Variants in CCDC144A observed in about 807,000 individuals in gnomAD.
The protein encoded by CCDC144A is coiled-coil domain containing 144A, also known as coiled-coil domain-containing protein 144A.
A neutral mutation model predicts 143.8 loss-of-function variants in CCDC144A; 41 were observed. The observed-to-expected ratio is 0.29, with a 90% CI of 0.22 to 0.37. The LOEUF (loss-of-function observed/expected upper bound fraction) is 0.37. Ranked by LOEUF, CCDC144A falls within the 10% of genes least tolerant of loss-of-function variation. The pLI, the probability that CCDC144A is intolerant of heterozygous loss-of-function variation, is 1.00. For synonymous variants in CCDC144A, 242 were observed against 517.9 expected (o/e 0.47, Z 7.23); for missense variants, 637 against 1,488.8 (o/e 0.43, Z 9.41).
chr17:16,689,060 A>T (rs2142736482), upstream of CCDC144A, among the ~76,000 whole-genome samples: 1 of 152,184 alleles, frequency 6.6e-6, no homozygotes, highest in East Asian at 1.9e-4. Context: ...TGTTTTTCAT[A>T]ATGCTATCTG....
At chr17:16,745,206 TCA>T (rs1914439491) in intron 12 of CCDC144A, among the ~76,000 whole-genome samples, 1 of 148,554 alleles carries the variant, frequency 6.7e-6, no homozygotes, top group South Asian at 2.2e-4. Context: ...ACACCATGGC[TCA>T]GAGGCCACCG....
intron 6 of CCDC144A, 72 bp from the exon 7 acceptor site, chr17:16,720,126 C>T (rs1187368825): frequency 2.8e-6 from 4 of 1,452,850 alleles, no homozygotes; most frequent in Non-Finnish European, 2.7e-6. Context: ...TATGATAAAA[C>T]AGTAGTGTTA....
chr17:16,731,502 T>A (rs972782420), intron 9 of CCDC144A: 8 of 171,844 alleles, frequency 4.7e-5, no homozygotes, highest in African/African-American at 1.9e-4. Flanking sequence ...AGAAGTAATT[T>A]TCAACTTGTA....
chr17:16,757,704 G>A (rs1915161899), intron 12 of CCDC144A, among the ~76,000 whole-genome samples: 1 of 152,240 alleles, frequency 6.6e-6, no homozygotes, highest in Non-Finnish European at 1.5e-5. Context: ...GGTATGTACA[G>A]GTATGCACAG....
At chr17:16,771,376 A>T (rs1278532617) in intron 15 of CCDC144A, among the ~76,000 whole-genome samples, 3 of 152,268 alleles carry the variant, frequency 2.0e-5, no homozygotes, top group Non-Finnish European at 4.4e-5. Context: ...AATTTTCTGA[A>T]ATCTTTGTGT....
chr17:16,707,607 T>C, intron 4 of CCDC144A, 65 bp downstream of exon 4: 2 of 1,035,216 alleles, frequency 1.9e-6, no homozygotes, highest in South Asian at 3.1e-5. Context: ...GCTTTAATAA[T>C]ATAAGCTAGC....
chr17:16,748,070 A>G (rs1434408694), intron 12 of CCDC144A, among the ~76,000 whole-genome samples: 1 of 152,088 alleles, frequency 6.6e-6, no homozygotes, highest in African/African-American at 2.4e-5. Context: ...TTTTATAGAG[A>G]CAAGGTCTCA....
At position 16,711,136 on chromosome 17, in the gene CCDC144A, G is replaced by GAAAAAAAAAAAAAAAAAAAAAAA. The variant is rs1210697273; in HGVS notation, c.1579-521_1579-520insAAAAAAAAAAAAAAAAAAAAAAA. Among the ~76,000 whole-genome samples, 23 of 21,768 alleles carry GAAAAAAAAAAAAAAAAAAAAAAA rather than the reference G, an allele frequency of 1.1e-3. 1 individual carries two copies. The highest frequency in any genetic ancestry group is 0.031 in the Middle Eastern group (1 of 32). The allele number at this position is 21,768 out of a possible 152,430, so 14.3% of individuals were successfully genotyped here. On this transcript the variant is annotated intron_variant, in intron 5 of 16. Transcript: ENST00000399273. ...CTTTTTGATATCCCAGGATTCAAAT[G>GAAAAAAAAAAAAAAAAAAAAAAA]AAAAAAAAAAAAAAAAAAAAAACAA...
rs533900941 is a variant in CCDC144A, at chr17:16,739,467, C to T, written c.3372+3824C>T. Among the ~76,000 whole-genome samples the T allele has an allele frequency of 1.3e-3, 201 of 151,742 alleles. 1 individual carries two copies. The highest frequency in any genetic ancestry group is 4.8e-3 in the African/African-American group (197 of 41,298). The stretch of plus-strand genomic sequence containing the variant: ...AGAAGTTTCACATTTTGATGAAGTC[C>T]AGTTAATTTTTTTGTTTGTTTGTTT... On this transcript the variant is annotated intron_variant, in intron 12 of 16. Transcript: ENST00000399273.
chr17:16,737,443 G>A, intron 12 of CCDC144A: 2 of 1,237,344 alleles, frequency 1.6e-6, no homozygotes, highest in East Asian at 5.7e-5. Context: ...TGGGATTACA[G>A]GCGTGAGCCA....
chr17:16,721,163 C>T lies in CCDC144A; in HGVS notation c.1891+505C>T, dbSNP rs1348723705. ...TCTTTCTCTGTGTCCCACTCTGTGT[C>T]TTATATGTTTGTTCCAGCACTGATA... On this transcript the variant is annotated intron_variant, in intron 8 of 16. Transcript: ENST00000399273. Among the ~76,000 whole-genome samples, 3 of 151,958 alleles carry T rather than the reference C, an allele frequency of 2.0e-5. No individual in the cohort carries two copies. In the East Asian group the frequency reaches 5.8e-4, roughly 29 times the overall value.
chr17:16,769,452 A>G lies in CCDC144A; in HGVS notation c.4099-2525A>G, dbSNP rs139712725. Among the ~76,000 whole-genome samples the G allele has an allele frequency of 9.5e-3, 1,446 of 152,194 alleles. 3 individuals are homozygous for G. Among genetic ancestry groups the G allele is most frequent in the Middle Eastern group, 0.017 (5 of 294 alleles). On this transcript the variant is annotated intron_variant, in intron 15 of 16. Transcript: ENST00000399273. Reference sequence around the variant, plus strand: ...ATGAGAAGTTGGACAGGCGTATGGTAGATGGTAAAGAGAAATCTGTTTTGT... The same window carrying G: ...ATGAGAAGTTGGACAGGCGTATGGTGGATGGTAAAGAGAAATCTGTTTTGT...
chr17:16,675,975 C>G, the CCDC144A span, among the ~76,000 whole-genome samples: 7 of 151,766 alleles, frequency 4.6e-5, no homozygotes, highest in Admixed American at 1.3e-4. Flanking sequence ...GTCTTGATCT[C>G]CTCACCTCGT....
At chr17:16,756,260 A>G (rs1463444646) in intron 12 of CCDC144A, among the ~76,000 whole-genome samples, 1 of 152,234 alleles carries the variant, frequency 6.6e-6, no homozygotes, top group Non-Finnish European at 1.5e-5. Context: ...TTGGCTCATG[A>G]TGGCCCATAT....
chr17:16,673,543 C>T, the CCDC144A span, among the ~76,000 whole-genome samples: 3 of 151,878 alleles, frequency 2.0e-5, no homozygotes, highest in Admixed American at 6.6e-5. Flanking sequence ...TGTGCCACCA[C>T]GCCCGGCTAA....
At position 16,708,806 on chromosome 17, in the gene CCDC144A, A is replaced by C. The variant is rs1397805372; in HGVS notation, c.749A>C (p.Gln250Pro). The change falls in exon 5 of 17, where the codon CAA becomes CCA. Residue 250 changes from glutamine to proline, a missense_variant. Gln to Pro is a moderately conservative substitution (Grantham distance 76). Transcript: ENST00000399273. ...CENKQPQKTS[Q>P]EPEMAKDCDR... ...CTTTTGCATCTGCAGAAAACGTCTC[A>C]AGAACCAGAAATGGCTAAGGATTGC... The C allele has an allele frequency of 1.9e-6, 3 of 1,611,720 alleles. No individual in the cohort carries two copies. The highest frequency in any genetic ancestry group is 3.3e-5 in the Admixed American group (2 of 59,994).
chr17:16,726,121 G>C (rs924482002), intron 8 of CCDC144A, among the ~76,000 whole-genome samples: 1 of 152,044 alleles, frequency 6.6e-6, no homozygotes, highest in Non-Finnish European at 1.5e-5. Flanking sequence ...GCTCAAGCCT[G>C]TAATCCCAGC....
chr17:16,737,250 T>G (rs1178515750), intron 12 of CCDC144A, among the ~76,000 whole-genome samples: 1 of 137,866 alleles, frequency 7.3e-6, no homozygotes, highest in Non-Finnish European at 1.5e-5. Context: ...CACTGCAAGC[T>G]CCGCCTCCCG....
At chr17:16,715,240 ATATT>A (rs1912677297) in intron 6 of CCDC144A, among the ~76,000 whole-genome samples, 7 of 151,336 alleles carry the variant, frequency 4.6e-5, no homozygotes. Context: ...TACTCAATAA[ATATT>A]TATTAAATGA....
Sources: gnomAD v4.1 joint callset for allele counts (sites outside exome capture counted in the v4.1 genomes callset) on GRCh38, gnomAD v4.1.1 for gene constraint, MANE v1.5 for transcripts, NCBI Gene and HGNC (gene_info 2026-07-23, HGNC 2026-07-21) for gene names.